The following CAMTA1 variants were observed in gnomAD, a reference collection of about 807,000 sequenced individuals.
CAMTA1 encodes the protein calmodulin-binding transcription activator 1.
Under a neutral mutation model 170.9 loss-of-function variants are expected in CAMTA1, and 27 were observed. That is an observed-to-expected ratio of 0.16 (90% CI 0.12 to 0.22). The LOEUF (loss-of-function observed/expected upper bound fraction) is 0.22. Among genes scored for constraint, CAMTA1 ranks in the 10% least tolerant of loss-of-function variants. The pLI is 1.00. For synonymous variants in CAMTA1, 833 were observed against 891.5 expected (o/e 0.93, Z 1.17); for missense variants, 1,619 against 2,217.2 (o/e 0.73, Z 5.42).
chr1:6,812,430 T>C (rs1486071148), intron 1 of CAMTA1, among the ~76,000 whole-genome samples: 2 of 152,374 alleles, frequency 1.3e-5, no homozygotes, highest in African/African-American at 4.8e-5. Flanking sequence ...ATAGAATGCC[T>C]AGTTTGTTGG....
chr1:7,498,997 TGA>T (rs1237044721), intron 6 of CAMTA1, among the ~76,000 whole-genome samples: 3 of 122,782 alleles, frequency 2.4e-5, no homozygotes, highest in African/African-American at 1.1e-4. Context: ...TGTATGTATA[TGA>T]GTGTGTGTGC....
intron 3 of CAMTA1, among the ~76,000 whole-genome samples, chr1:6,901,293 A>G (rs1358840809): frequency 1.3e-5 from 2 of 152,244 alleles, no homozygotes; most frequent in Non-Finnish European, 2.9e-5. Context: ...TCTGGAAGAA[A>G]ACATGGGAGA....
intron 11 of CAMTA1, among the ~76,000 whole-genome samples, chr1:7,728,286 C>G (rs969173101): frequency 6.6e-6 from 1 of 152,184 alleles, no homozygotes; most frequent in African/African-American, 2.4e-5. Flanking sequence ...CCGTGCTTGG[C>G]GGGGGGATGG....
intron 3 of CAMTA1, among the ~76,000 whole-genome samples, chr1:7,078,539 A>G (rs533010559): frequency 6.6e-6 from 1 of 152,314 alleles, no homozygotes; most frequent in Non-Finnish European, 1.5e-5. Flanking sequence ...CTGTTTCTTT[A>G]GGCTGGCTAT....
chr1:7,001,900 T>TTC (rs1557953344), intron 3 of CAMTA1, among the ~76,000 whole-genome samples: 16 of 58,440 alleles, frequency 2.7e-4, no homozygotes, highest in African/African-American at 4.4e-4. Context: ...TCTTCTTCTT[T>TTC]TTTTTTTTTT....
chr1:7,131,545 G>A (rs1445681438), intron 4 of CAMTA1, among the ~76,000 whole-genome samples: 1 of 143,388 alleles, frequency 7.0e-6, no homozygotes, highest in Admixed American at 7.1e-5. Flanking sequence ...TTTTCTTGCT[G>A]TGGCTACCTG....
chr1:7,620,357 G>T (rs998454072), intron 6 of CAMTA1, among the ~76,000 whole-genome samples: 1 of 152,122 alleles, frequency 6.6e-6, no homozygotes, highest in Non-Finnish European at 1.5e-5. Context: ...CAGTTGTGAG[G>T]CTGAGAAACC....
intron 3 of CAMTA1, among the ~76,000 whole-genome samples, chr1:7,084,968 CT>C (rs1406915625): frequency 1.3e-5 from 2 of 152,192 alleles, no homozygotes; most frequent in African/African-American, 4.8e-5. Context: ...TAAAATGTAG[CT>C]TCTAGAAATT....
intron 4 of CAMTA1, among the ~76,000 whole-genome samples, chr1:7,242,770 TAAAATAAATAAATAAA>T (rs1175186039): frequency 9.9e-4 from 124 of 124,810 alleles, no homozygotes; most frequent in African/African-American, 4.6e-3. Flanking sequence ...CTACTGAAAA[TAAAATAAATAAATAAA>T]TAAATAAATA....
In CAMTA1 at chr1:7,605,124, G is replaced by A. The variant is rs185610433; in HGVS notation, c.511-35276G>A. The stretch of plus-strand genomic sequence containing the variant: ...GGGGTGCCTCCCAGTTAGGCTACTC[G>A]GGGGTCAGGGACCCACTTGAGGACG... On this transcript the variant is annotated intron_variant, in intron 6 of 22. Coordinates refer to ENST00000303635, the MANE Select transcript of CAMTA1 (RefSeq NM_015215.4). 1.0e-3 allele frequency among the ~76,000 whole-genome samples: 154 copies of A among 152,302 alleles called. 1 individual carries two copies. The highest frequency in any genetic ancestry group is 3.6e-3 in the African/African-American group (149 of 41,564).
intron 16 of CAMTA1, among the ~76,000 whole-genome samples, chr1:7,744,314 T>C (rs890015121): frequency 2.6e-5 from 4 of 151,594 alleles, no homozygotes; most frequent in Non-Finnish European, 4.4e-5. Flanking sequence ...GTATTTTTAG[T>C]AGGGACAGGG....
chr1:6,822,794 C>CCACACACACACACA (rs3061932), intron 2 of CAMTA1, among the ~76,000 whole-genome samples: 3 of 146,486 alleles, frequency 2.0e-5, no homozygotes, highest in South Asian at 4.4e-4. Context: ...TACATAAATA[C>CCACACACACACACA]CACACACACA....
At chr1:6,863,890 C>T (rs1353573493) in intron 3 of CAMTA1, among the ~76,000 whole-genome samples, 1 of 152,206 alleles carries the variant, frequency 6.6e-6, no homozygotes, top group Non-Finnish European at 1.5e-5. Flanking sequence ...CATATATCTT[C>T]TTAGGCTCCA....
At chr1:7,762,145 A>G (rs1354655835) in intron 22 of CAMTA1, among the ~76,000 whole-genome samples, 4 of 152,180 alleles carry the variant, frequency 2.6e-5, no homozygotes, top group African/African-American at 4.8e-5. Flanking sequence ...CTCTCTCTAA[A>G]TAAGTGGAGA....
chr1:6,797,877 G>T (rs1642907853), intron 1 of CAMTA1, among the ~76,000 whole-genome samples: 1 of 151,738 alleles, frequency 6.6e-6, no homozygotes, highest in Non-Finnish European at 1.5e-5. Flanking sequence ...AGTAGACTGT[G>T]AATAAACATT....
intron 5 of CAMTA1, among the ~76,000 whole-genome samples, chr1:7,440,338 G>A (rs368587060): frequency 1.6e-4 from 24 of 152,352 alleles, no homozygotes; most frequent in Non-Finnish European, 2.9e-4. Context: ...TGGGCAGGCC[G>A]GAGGCCAATG....
rs747133552 is a variant in CAMTA1 at position 7,050,989 on chromosome 1, G to A, written c.235-40315G>A. Among the ~76,000 whole-genome samples, 2 of 152,188 alleles carry A rather than the reference G, an allele frequency of 1.3e-5. No individual in the cohort carries two copies. The highest frequency in any genetic ancestry group is 2.9e-5 in the Non-Finnish European group (2 of 68,038). On this transcript the variant is annotated intron_variant, in intron 3 of 22. Transcript: ENST00000303635. This position sits in a 1 kb window ranked among gnomAD's most constrained non-coding sequence, Gnocchi z 4.8. ...AATGACTGTGCTGCCTCTTTCCGGG[G>A]TGTAATTTGAGTTTGCATGTGGAAC...
At chr1:7,269,589 A>T (rs983147491) in intron 5 of CAMTA1, among the ~76,000 whole-genome samples, 3 of 152,214 alleles carry the variant, frequency 2.0e-5, no homozygotes, top group African/African-American at 7.2e-5. Flanking sequence ...TCGCAATGGG[A>T]TTAATACCAG....
intron 6 of CAMTA1, among the ~76,000 whole-genome samples, chr1:7,581,123 G>A (rs546082810): frequency 6.6e-6 from 1 of 152,312 alleles, no homozygotes; most frequent in South Asian, 2.1e-4. Context: ...CACATCTGCT[G>A]GGCACCGTGT....
Sources: allele counts gnomAD v4.1 joint callset (sites outside exome capture counted in the v4.1 genomes callset), GRCh38; gene constraint gnomAD v4.1.1; non-coding constraint Gnocchi (gnomAD v3.1); transcripts MANE v1.5; gene names NCBI Gene and HGNC (gene_info 2026-07-23, HGNC 2026-07-21).